The following BRINP3 variants were observed in gnomAD, a reference collection of about 807,000 sequenced individuals.
BRINP3 encodes BMP/retinoic acid-inducible neural-specific protein 3.
In BRINP3, 19 loss-of-function variants were observed where a neutral mutation model predicts 71.0. That is an observed-to-expected ratio of 0.27 (90% confidence interval 0.19 to 0.39). BRINP3 has a LOEUF of 0.39. Among genes scored for constraint, BRINP3 ranks in the 10% least tolerant of loss-of-function variants. BRINP3 has a pLI of 1.00. For synonymous variants in BRINP3, 380 were observed against 337.7 expected, an observed-to-expected ratio of 1.13 and a Z score of -1.37; for missense variants, 959 against 940.8, an observed-to-expected ratio of 1.02 and a Z score of -0.25.
intron 2 of BRINP3, among the ~76,000 whole-genome samples, chr1:190,305,043 C>T (rs1664997859): frequency 6.6e-6 from 1 of 151,630 alleles, no homozygotes; most frequent in African/African-American, 2.4e-5. Flanking sequence ...CAGAGAAACA[C>T]AAATCAAAAC....
intron 7 of BRINP3, among the ~76,000 whole-genome samples, chr1:190,135,518 A>G (rs1307148901): frequency 6.6e-6 from 1 of 152,120 alleles, no homozygotes; most frequent in Non-Finnish European, 1.5e-5. Context: ...AAATTAAAGT[A>G]ATATTGTAGA....
At chr1:190,374,812 A>T (rs949972007) in intron 2 of BRINP3, among the ~76,000 whole-genome samples, 1 of 152,056 alleles carries the variant, frequency 6.6e-6, no homozygotes, top group Non-Finnish European at 1.5e-5. Context: ...GACAAATGAA[A>T]ATAATAGAAA....
chr1:190,262,330 T>G (rs968942486), intron 4 of BRINP3, among the ~76,000 whole-genome samples: 1 of 152,092 alleles, frequency 6.6e-6, no homozygotes, highest in South Asian at 2.1e-4. Flanking sequence ...AATTAAACCC[T>G]GAAAGGTGTA....
chr1:190,133,113 T>A (rs575420580), intron 7 of BRINP3, among the ~76,000 whole-genome samples: 3 of 152,168 alleles, frequency 2.0e-5, no homozygotes, highest in African/African-American at 7.2e-5. Context: ...CCCCAAATCC[T>A]GACCCCCAGA....
intron 2 of BRINP3, among the ~76,000 whole-genome samples, chr1:190,358,051 A>G (rs1668858476): frequency 6.6e-6 from 1 of 152,192 alleles, no homozygotes; most frequent in Non-Finnish European, 1.5e-5. Flanking sequence ...TAAAACCATA[A>G]AAACCCTAGA....
intron 6 of BRINP3, among the ~76,000 whole-genome samples, chr1:190,178,571 A>T (rs1652759032): frequency 6.6e-6 from 1 of 152,128 alleles, no homozygotes; most frequent in South Asian, 2.1e-4. Flanking sequence ...TGATGCTAAA[A>T]ACCTGAATAC....
At chr1:190,213,337 A>G (rs1656143976) in intron 6 of BRINP3, among the ~76,000 whole-genome samples, 1 of 152,058 alleles carries the variant, frequency 6.6e-6, no homozygotes, top group Non-Finnish European at 1.5e-5. Flanking sequence ...ACAACAGACA[A>G]GTGATATGAA....
At chr1:190,120,748 C>T (rs1183888294) in intron 7 of BRINP3, among the ~76,000 whole-genome samples, 10 of 151,910 alleles carry the variant, frequency 6.6e-5, no homozygotes, top group South Asian at 2.1e-4. Flanking sequence ...CGTGATCCAC[C>T]GCCTCGGCCT....
At chr1:190,371,534 C>T (rs924127240) in intron 2 of BRINP3, among the ~76,000 whole-genome samples, 2 of 152,070 alleles carry the variant, frequency 1.3e-5, no homozygotes, top group Non-Finnish European at 2.9e-5. Context: ...TTGGCCACTG[C>T]TTCTGTTTTT....
chr1:190,400,537 G>A (rs1355819832), intron 2 of BRINP3, among the ~76,000 whole-genome samples: 1 of 152,112 alleles, frequency 6.6e-6, no homozygotes, highest in Non-Finnish European at 1.5e-5. Flanking sequence ...TCAGCGTGAG[G>A]TTTCAGCGTG....
intron 6 of BRINP3, among the ~76,000 whole-genome samples, chr1:190,172,822 G>T (rs1450320046): frequency 2.0e-5 from 3 of 152,080 alleles, no homozygotes; most frequent in African/African-American, 7.2e-5. Flanking sequence ...TGGCTCCCAC[G>T]AACAGATACA....
chr1:190,098,842 G>T lies in BRINP3; in HGVS notation c.1477C>A (p.Gln493Lys). 3 of 1,614,224 alleles carry T rather than the reference G, an allele frequency of 1.9e-6. No homozygotes were observed. Among genetic ancestry groups the T allele is most frequent in the Non-Finnish European group, 2.5e-6 (3 of 1,180,054 alleles). ...DHYIGFETDL[Q>K]DLEMKYLLQK... is the part of the protein sequence containing the mutation. ...AGCAGATATTTCATCTCGAGATCTT[G>T]CAGGTCAGTTTCAAAGCCAATATAG... The change falls in exon 8 of 8, where the codon CAA (glutamine) becomes AAA (lysine). Residue 493 changes from glutamine (Q) to lysine (K), a missense_variant. Physicochemically the swap from Gln to Lys is moderately conservative, Grantham distance 53 (BLOSUM62 1). Coordinates refer to ENST00000367462, the MANE Select transcript of BRINP3 (RefSeq NM_199051.3).
chr1:190,369,580 C>G (rs1241486526), intron 2 of BRINP3, among the ~76,000 whole-genome samples: 1 of 151,552 alleles, frequency 6.6e-6, no homozygotes, highest in Admixed American at 6.6e-5. Flanking sequence ...TATATAATGA[C>G]AAAACATTTT....
intron 6 of BRINP3, among the ~76,000 whole-genome samples, chr1:190,190,152 C>A (rs1158330690): frequency 6.6e-6 from 1 of 152,096 alleles, no homozygotes; most frequent in Non-Finnish European, 1.5e-5. Context: ...TCTTTCCTGG[C>A]ACCAGGGAGG....
intron 2 of BRINP3, among the ~76,000 whole-genome samples, chr1:190,324,710 G>T (rs1666467893): frequency 6.6e-6 from 1 of 151,734 alleles, no homozygotes; most frequent in Non-Finnish European, 1.5e-5. Flanking sequence ...TTAAATAATA[G>T]ATATCCATGT....
intron 7 of BRINP3, among the ~76,000 whole-genome samples, chr1:190,142,503 AT>A (rs1427471797): frequency 6.6e-6 from 1 of 152,158 alleles, no homozygotes; most frequent in East Asian, 1.9e-4. Context: ...AAGTAATTCT[AT>A]TTTAATACGT....
At chr1:190,174,002 A>G (rs1243216810) in intron 6 of BRINP3, among the ~76,000 whole-genome samples, 2 of 152,306 alleles carry the variant, frequency 1.3e-5, no homozygotes, top group East Asian at 3.9e-4. Context: ...TATCTATTTT[A>G]TTATAATAAG....
intron 2 of BRINP3, among the ~76,000 whole-genome samples, chr1:190,408,416 G>T (rs1024633899): frequency 6.6e-6 from 1 of 151,882 alleles, no homozygotes; most frequent in South Asian, 2.1e-4. Flanking sequence ...TTTTCAAAAC[G>T]ATTTTCCATG....
intron 2 of BRINP3, among the ~76,000 whole-genome samples, chr1:190,325,821 G>T (rs943184678): frequency 2.0e-5 from 3 of 152,006 alleles, no homozygotes; most frequent in East Asian, 1.9e-4. Context: ...ATTATAAAAT[G>T]ATTTGTCATT....
Sources: allele counts gnomAD v4.1 joint callset (sites outside exome capture counted in the v4.1 genomes callset), GRCh38; gene constraint gnomAD v4.1.1; transcripts MANE v1.5; gene names NCBI Gene and HGNC (gene_info 2026-07-23, HGNC 2026-07-21).